The following ZNF185 variants were observed in gnomAD, a reference collection of about 807,000 sequenced individuals.
ZNF185 encodes the protein zinc finger protein 185.
ZNF185 carries 56 observed loss-of-function variants against 58.6 expected under a neutral mutation model. The observed-to-expected ratio is 0.95, with a 90% CI of 0.77 to 1.19. The LOEUF (loss-of-function observed/expected upper bound fraction) is 1.19. ZNF185 is among the 50% of genes most tolerant of loss of function. The pLI is 0.00. For missense variants in ZNF185, 627 were observed against 573.5 expected, an observed-to-expected ratio of 1.09 and a Z score of -0.95; for synonymous variants, 230 against 215.9, an observed-to-expected ratio of 1.07 and a Z score of -0.57.
chrX:152,903,390 A>C, the ZNF185 span, among the ~76,000 whole-genome samples: 3 of 15,233 alleles, frequency 2.0e-4, no homozygotes, highest in African/African-American at 4.4e-4. Context: ...ACTCGTCTCA[A>C]AAAAAAAAAA....
At chrX:152,970,341 A>G (rs1556918207) in intron 21 of ZNF185, 102 bp from the exon 24 acceptor site, 1 of 686,761 alleles carries the variant, frequency 1.5e-6, no homozygotes, top group African/African-American at 2.1e-5. Flanking sequence ...CCACGGGCTC[A>G]CAGCATCTGC....
At chrX:152,952,878 G>C (rs1227847168) in intron 16 of ZNF185, among the ~76,000 whole-genome samples, 1 of 105,683 alleles carries the variant, frequency 9.5e-6, no homozygotes. Flanking sequence ...GACAGAATGA[G>C]TGCCATAGGG....
intron 11 of ZNF185, among the ~76,000 whole-genome samples, chrX:152,927,754 C>T (rs1355077080): frequency 3.6e-5 from 4 of 112,468 alleles, no homozygotes; most frequent in African/African-American, 1.3e-4. Flanking sequence ...CCTGCCTGAC[C>T]CTGCTGGGCC....
chrX:152,903,897 T>A, the ZNF185 span, among the ~76,000 whole-genome samples: 1 of 111,401 alleles, frequency 9.0e-6, no homozygotes, highest in Non-Finnish European at 1.9e-5. Context: ...GCCTTAAAAG[T>A]CTGCCTCCCA....
intron 19 of ZNF185, 132 bp from the exon 22 acceptor site, chrX:152,967,035 C>T (rs2050184756): frequency 1.7e-6 from 1 of 590,381 alleles, no homozygotes; most frequent in Non-Finnish European, 2.7e-6. Flanking sequence ...GGCCCTGTGG[C>T]ACCAAGTCAT....
intron 19 of ZNF185, among the ~76,000 whole-genome samples, 152 bp from the exon 22 acceptor site, chrX:152,967,015 C>G (rs1445751220): frequency 9.0e-6 from 1 of 111,473 alleles, no homozygotes; most frequent in Admixed American, 9.5e-5. Context: ...CCTTTGCCCC[C>G]CCATAGAAGG....
chrX:152,967,060 A>C lies in ZNF185; in HGVS notation c.1800-107A>C, dbSNP rs2050187295. 4 of 750,186 alleles carry C rather than the reference A, an allele frequency of 5.3e-6. No individual in the cohort carries two copies. The South Asian group carries it at 1.0e-4, about 19-fold the overall frequency. 61.8% of individuals were successfully genotyped at this position (750,186 alleles called of 1,213,427 possible). A position where few individuals can be genotyped will look rare whatever the true frequency, so the allele number is the denominator to read the frequency against. ...CACCAAGTCATGAATGACGACTGGCATCGTAGTTATGTCTCAGCTTGTGGC... is the reference window on the plus strand; with the variant it reads ...CACCAAGTCATGAATGACGACTGGCCTCGTAGTTATGTCTCAGCTTGTGGC... On this transcript the variant is annotated intron_variant, in intron 19 of 22. Coordinates refer to ENST00000449285, the Ensembl canonical transcript of ZNF185.
intron 16 of ZNF185, among the ~76,000 whole-genome samples, chrX:152,949,720 C>T (rs2048115829): frequency 8.9e-6 from 1 of 111,775 alleles, no homozygotes; most frequent in Non-Finnish European, 1.9e-5. Context: ...GAGTGAGAGC[C>T]TTCAGAGATG....
rs199963994 is a variant in ZNF185, at chrX:152,924,077, CT to C, written c.830+1270del. 8.0e-3 allele frequency among the ~76,000 whole-genome samples: 887 copies of C among 111,331 alleles called. 9 individuals are homozygous for C. The highest frequency in any genetic ancestry group is 0.028 in the African/African-American group (843 of 30,582). On this transcript the variant is annotated intron_variant, in intron 11 of 22. Coordinates refer to ENST00000449285, the Ensembl canonical transcript of ZNF185. ...GTAGACTCCATCTTCTCCCTGGGCC[CT>C]TATATGCTCATCCCTGTCTGTGTGT...
the ZNF185 span, among the ~76,000 whole-genome samples, chrX:152,907,603 G>A: frequency 1.8e-5 from 2 of 113,243 alleles, no homozygotes; most frequent in African/African-American, 6.4e-5. Flanking sequence ...GATGAAGGGC[G>A]GGCCGGGGCA....
At chrX:152,942,714 C>T (rs1423321025) in intron 15 of ZNF185, among the ~76,000 whole-genome samples, 3 of 111,794 alleles carry the variant, frequency 2.7e-5, no homozygotes, top group African/African-American at 9.8e-5. Context: ...ATGGGCTTCT[C>T]GTTTATATTT....
chrX:152,941,553 A>C, intron 15 of ZNF185: 3 of 944,949 alleles, frequency 3.2e-6, no homozygotes, highest in Non-Finnish European at 4.2e-6. Flanking sequence ...GCCTGCGCGA[A>C]TGCGCGCTCG....
Position 152,957,444 on chromosome X carries a change from A to G in ZNF185, c.1410-2255A>G, listed in dbSNP as rs782013433. 2.7e-5 allele frequency among the ~76,000 whole-genome samples: 3 copies of G among 111,927 alleles called. No homozygotes were observed. In the South Asian group the frequency reaches 1.1e-3, roughly 42 times the overall value. ...ACTGTGAAAGGGCAAAACCTTAACTACTGAGCCCAGAAGGAGTCTAGAGTA... is the reference window on the plus strand; with the variant it reads ...ACTGTGAAAGGGCAAAACCTTAACTGCTGAGCCCAGAAGGAGTCTAGAGTA... On this transcript the variant is annotated intron_variant, in intron 16 of 22. Coordinates refer to ENST00000449285, the Ensembl canonical transcript of ZNF185.
At chrX:152,911,010 T>C (rs948000010), upstream of ZNF185, among the ~76,000 whole-genome samples, 4 of 111,659 alleles carry the variant, frequency 3.6e-5, no homozygotes, top group Non-Finnish European at 7.5e-5. Flanking sequence ...AGGCAATCAC[T>C]CCCTGGTGGG....
chrX:152,938,092 C>G (rs1264017938), exon 15 of ZNF185: 7 of 1,179,179 alleles, frequency 5.9e-6, no homozygotes, highest in South Asian at 3.8e-5. Context: ...CCACTTCAGT[C>G]TCTGCTGTCC....
intron 10 of ZNF185, among the ~76,000 whole-genome samples, chrX:152,922,503 C>T (rs782557405): frequency 1.2e-4 from 14 of 112,006 alleles, no homozygotes; most frequent in South Asian, 3.8e-4. Flanking sequence ...GAGTACGTAT[C>T]TGTGTCACCT....
In ZNF185 at chrX:152,951,085, A is replaced by ATTTTT. The variant is rs57205058; in HGVS notation, c.1409+5635_1409+5639dup. 2.4e-3 allele frequency among the ~76,000 whole-genome samples: 223 copies of ATTTTT among 92,380 alleles called. 1 individual carries two copies. The highest frequency in any genetic ancestry group is 6.2e-3 in the Admixed American group (49 of 7,944). The allele number at this position is 92,380 out of a possible 115,157, so 80.2% of individuals were successfully genotyped here. On this transcript the variant is annotated intron_variant, in intron 16 of 22. Transcript: ENST00000449285. ...ATTAGGGACAGACCAATGATCAAGA[A>ATTTTT]TTTTTTTTTTTTTTTTTTGAGATGG...
intron 6 of ZNF185, among the ~76,000 whole-genome samples, chrX:152,918,455 G>A (rs1217397342): frequency 8.8e-6 from 1 of 113,197 alleles, no homozygotes; most frequent in African/African-American, 3.2e-5. Flanking sequence ...GGCTGCTGCT[G>A]GCTGGCTGTG....
At chrX:152,923,445 C>T (rs1940185544) in intron 11 of ZNF185, among the ~76,000 whole-genome samples, 2 of 112,362 alleles carry the variant, frequency 1.8e-5, no homozygotes, top group African/African-American at 3.2e-5. Flanking sequence ...CCTTTTCACT[C>T]TCTCCCTCTC....
Sources: gnomAD v4.1 joint callset for allele counts (sites outside exome capture counted in the v4.1 genomes callset) on GRCh38, gnomAD v4.1.1 for gene constraint, MANE v1.5 for transcripts, NCBI Gene and HGNC (gene_info 2026-07-23, HGNC 2026-07-21) for gene names.